The following CLVS1 variants were observed in gnomAD, a reference collection of about 807,000 sequenced individuals.
CLVS1 encodes clavesin 1.
Under a neutral mutation model 33.1 loss-of-function variants are expected in CLVS1, and 10 were observed. The observed-to-expected ratio is 0.30, with a 90% confidence interval of 0.19 to 0.51. The LOEUF (loss-of-function observed/expected upper bound fraction) is 0.51, where lower values mean the gene tolerates loss of function less well. Among genes scored for constraint, CLVS1 ranks in the 20% least tolerant of loss-of-function variants. CLVS1 has a pLI of 0.97. For missense variants in CLVS1, 343 were observed against 433.4 expected (o/e 0.79, Z 1.85); for synonymous variants, 163 against 166.1 (o/e 0.98, Z 0.14).
chr8:61,344,335 C>A (rs1166105625), intron 2 of CLVS1, among the ~76,000 whole-genome samples: 1 of 152,192 alleles, frequency 6.6e-6, no homozygotes, highest in Non-Finnish European at 1.5e-5. Flanking sequence ...CCATGAGCCA[C>A]CGCACTCGGC....
At chr8:61,487,760 A>C (rs1002633024) in intron 5 of CLVS1, among the ~76,000 whole-genome samples, 1 of 152,266 alleles carries the variant, frequency 6.6e-6, no homozygotes, top group African/African-American at 2.4e-5. Context: ...ATGCCAAAGA[A>C]GATCCACTAA....
the CLVS1 span, among the ~76,000 whole-genome samples, chr8:60,975,979 T>C: frequency 1.3e-5 from 2 of 152,196 alleles, no homozygotes; most frequent in Non-Finnish European, 2.9e-5. Context: ...GCCGGGGGCT[T>C]CTCTGCCCTG....
the CLVS1 span, among the ~76,000 whole-genome samples, chr8:61,043,352 G>T: frequency 6.6e-6 from 1 of 152,220 alleles, no homozygotes; most frequent in Non-Finnish European, 1.5e-5. Context: ...GGAAAGAATG[G>T]CAGAGGCTAA....
chr8:61,128,488 A>G (rs1158455588), intron 1 of CLVS1, among the ~76,000 whole-genome samples: 3 of 152,030 alleles, frequency 2.0e-5, no homozygotes, highest in Non-Finnish European at 2.9e-5. Flanking sequence ...CTTTCTAACA[A>G]TCGTTTTATC....
chr8:61,373,023 C>T (rs1471795622), intron 2 of CLVS1, among the ~76,000 whole-genome samples: 4 of 152,184 alleles, frequency 2.6e-5, no homozygotes, highest in Non-Finnish European at 5.9e-5. Context: ...CAATGCTCAG[C>T]TCACTTATGG....
chr8:61,180,771 T>A (rs1175042292), intron 2 of CLVS1, among the ~76,000 whole-genome samples: 1 of 152,216 alleles, frequency 6.6e-6, no homozygotes. Flanking sequence ...AAAAAAGGCC[T>A]TTGATAAAAT....
chr8:61,376,935 T>C (rs1007160401), intron 3 of CLVS1, 156 bp downstream of exon 3: 7 of 581,970 alleles, frequency 1.2e-5, no homozygotes, highest in Non-Finnish European at 1.7e-5. Flanking sequence ...GCCAGAGTTT[T>C]AGATGCTTTT....
chr8:60,967,810 G>C, the CLVS1 span: 1 of 393,062 alleles, frequency 2.5e-6, no homozygotes, highest in Non-Finnish European at 5.0e-6. Flanking sequence ...CTGCCTCCTA[G>C]CTTTGCCTAA....
Position 61,470,753 on chromosome 8 carries a change from G to T in CLVS1, c.977+12211G>T, listed in dbSNP as rs143186898. Among the ~76,000 whole-genome samples the T allele has an allele frequency of 2.6e-3, 401 of 152,290 alleles. 2 individuals are homozygous for T. The highest frequency in any genetic ancestry group is 8.5e-3 in the African/African-American group (355 of 41,548). Reference sequence around the variant, plus strand: ...TGCAATATTTTCTTAAAAACACTGTGCAGCTTGCATACCATGGTTGAATTT... The same window carrying T: ...TGCAATATTTTCTTAAAAACACTGTTCAGCTTGCATACCATGGTTGAATTT... On this transcript the variant is annotated intron_variant, in intron 5 of 5. Coordinates refer to ENST00000325897, the MANE Select transcript of CLVS1 (RefSeq NM_173519.3).
intron 5 of CLVS1, among the ~76,000 whole-genome samples, chr8:61,491,260 T>G (rs1043670561): frequency 6.6e-6 from 1 of 152,230 alleles, no homozygotes; most frequent in African/African-American, 2.4e-5. Context: ...CTAAAAAATG[T>G]GATCTTGTTC....
chr8:61,298,050 T>G (rs1810283107), intron 1 of CLVS1, among the ~76,000 whole-genome samples: 1 of 152,266 alleles, frequency 6.6e-6, no homozygotes, highest in East Asian at 1.9e-4. Flanking sequence ...GTTTGGATAA[T>G]AAGTTAAATC....
chr8:61,207,223 G>A (rs138753855), intron 2 of CLVS1, among the ~76,000 whole-genome samples: 1 of 139,068 alleles, frequency 7.2e-6, no homozygotes, highest in African/African-American at 2.8e-5. Flanking sequence ...AGTTGCTTCT[G>A]AGCCATGCTG....
At chr8:61,278,546 A>G (rs749090343) in intron 2 of CLVS1, among the ~76,000 whole-genome samples, 1 of 152,254 alleles carries the variant, frequency 6.6e-6, no homozygotes, top group South Asian at 2.1e-4. Flanking sequence ...GGTGTTGGAC[A>G]TAACTTTCCA....
At chr8:61,115,528 C>T (rs957755797) in intron 1 of CLVS1, among the ~76,000 whole-genome samples, 2 of 151,452 alleles carry the variant, frequency 1.3e-5, no homozygotes, top group Non-Finnish European at 1.5e-5. Context: ...CCTCCCCACT[C>T]CCCCGACCCC....
chr8:61,033,126 G>GAAA, the CLVS1 span, among the ~76,000 whole-genome samples: 14,550 of 68,126 alleles, frequency 0.21, 2,671 homozygotes, highest in Middle Eastern at 0.26. Context: ...AAGGAAGAAA[G>GAAA]GAAAGAAAGA....
chr8:61,097,195 ATT>A (rs57842472), intron 1 of CLVS1, among the ~76,000 whole-genome samples: 25,998 of 151,698 alleles, frequency 0.17, 2,794 homozygotes, highest in East Asian at 0.52. Flanking sequence ...TCCCACCTCT[ATT>A]AAAAATAAAT....
the CLVS1 span, among the ~76,000 whole-genome samples, chr8:60,975,897 A>G: frequency 2.0e-5 from 3 of 152,260 alleles, no homozygotes; most frequent in African/African-American, 4.8e-5. Flanking sequence ...AAGGAGGACC[A>G]TAAGATGGAG....
intron 1 of CLVS1, among the ~76,000 whole-genome samples, chr8:61,062,841 G>A (rs147716998): frequency 0.011 from 1,687 of 152,238 alleles, 27 homozygotes; most frequent in African/African-American, 0.038. Flanking sequence ...CCTGACTTTA[G>A]ATGTTCAACC....
At chr8:61,015,554 G>A in the CLVS1 span, among the ~76,000 whole-genome samples, 3,346 of 152,298 alleles carry the variant, frequency 0.022, 50 homozygotes, top group Middle Eastern at 0.031. Context: ...TCTGAGTCAT[G>A]TGTTCTTTCT....
Sources: allele counts gnomAD v4.1 joint callset (sites outside exome capture counted in the v4.1 genomes callset), GRCh38; gene constraint gnomAD v4.1.1; transcripts MANE v1.5; gene names NCBI Gene and HGNC (gene_info 2026-07-23, HGNC 2026-07-21).